Variants in SLC35F4 observed in about 807,000 individuals in gnomAD.
SLC35F4 encodes solute carrier family 35 member F4.
In SLC35F4, 24 loss-of-function variants were observed where a neutral mutation model predicts 44.2. That is an observed-to-expected ratio of 0.54 (90% confidence interval 0.39 to 0.76). The LOEUF (loss-of-function observed/expected upper bound fraction) is 0.76, where lower values mean the gene tolerates loss of function less well. Ranked by LOEUF, SLC35F4 falls within the 30% of genes least tolerant of loss-of-function variation. SLC35F4 has a pLI of 0.00. For missense variants in SLC35F4, 562 were observed against 586.1 expected, an observed-to-expected ratio of 0.96 and a Z score of 0.42; for synonymous variants, 238 against 223.6, an observed-to-expected ratio of 1.06 and a Z score of -0.57.
chr14:57,875,960 CA>C (rs1184764782), intron 1 of SLC35F4, among the ~76,000 whole-genome samples: 1 of 152,150 alleles, frequency 6.6e-6, no homozygotes, highest in Non-Finnish European at 1.5e-5. Context: ...TCTAGATTAG[CA>C]AAGCAATCTT....
intron 1 of SLC35F4, among the ~76,000 whole-genome samples, chr14:57,950,640 C>T (rs954105050): frequency 1.3e-5 from 2 of 149,188 alleles, no homozygotes; most frequent in Non-Finnish European, 3.0e-5. Context: ...AGCCCATTGT[C>T]ATTTGCATAG....
intron 1 of SLC35F4, among the ~76,000 whole-genome samples, chr14:57,851,689 A>G (rs1355135401): frequency 6.6e-6 from 1 of 152,208 alleles, no homozygotes; most frequent in Admixed American, 6.5e-5. Context: ...AAGTAAATGC[A>G]ATCTGGTACT....
chr14:57,672,178 G>A (rs184873344), intron 1 of SLC35F4, among the ~76,000 whole-genome samples: 1 of 152,118 alleles, frequency 6.6e-6, no homozygotes, highest in African/African-American at 2.4e-5. Context: ...CACTCGCAGA[G>A]GCCACACACT....
At chr14:57,929,360 T>G (rs576747892) in intron 1 of SLC35F4, among the ~76,000 whole-genome samples, 1 of 152,114 alleles carries the variant, frequency 6.6e-6, no homozygotes, top group African/African-American at 2.4e-5. Flanking sequence ...TCTAAACATT[T>G]TAGAAGAAAT....
chr14:57,787,439 T>C (rs1177288168), intron 1 of SLC35F4, among the ~76,000 whole-genome samples: 1 of 152,078 alleles, frequency 6.6e-6, no homozygotes, highest in African/African-American at 2.4e-5. Flanking sequence ...CGTAAAAAGA[T>C]TGCCTGATCA....
At chr14:57,779,996 T>C (rs2077578535) in intron 1 of SLC35F4, among the ~76,000 whole-genome samples, 1 of 152,166 alleles carries the variant, frequency 6.6e-6, no homozygotes, top group African/African-American at 2.4e-5. Context: ...GGGAAAAAGC[T>C]AGAAGCATTC....
chr14:57,834,002 T>C (rs1301398251), intron 1 of SLC35F4, among the ~76,000 whole-genome samples: 1 of 152,224 alleles, frequency 6.6e-6, no homozygotes, highest in Non-Finnish European at 1.5e-5. Context: ...TACAAAACCT[T>C]GTGCTGAATT....
chr14:57,610,660 A>G (rs1555558), intron 1 of SLC35F4, among the ~76,000 whole-genome samples: 92,882 of 151,854 alleles, frequency 0.61, 30,595 homozygotes, highest in Non-Finnish European at 0.74. Context: ...ACCATGCTTT[A>G]TGTGCTTGTG....
At chr14:57,824,020 G>A (rs984740602) in intron 1 of SLC35F4, among the ~76,000 whole-genome samples, 2 of 152,050 alleles carry the variant, frequency 1.3e-5, no homozygotes, top group Non-Finnish European at 2.9e-5. Flanking sequence ...AAATCAGGAA[G>A]TAAAGAACAA....
chr14:57,617,078 T>C (rs1274172572), intron 1 of SLC35F4, among the ~76,000 whole-genome samples: 1 of 151,558 alleles, frequency 6.6e-6, no homozygotes, highest in Non-Finnish European at 1.5e-5. Flanking sequence ...TCTTTCCCAT[T>C]CATAGGGAAA....
upstream of SLC35F4, among the ~76,000 whole-genome samples, chr14:57,870,770 G>A (rs1168424477): frequency 6.6e-6 from 1 of 152,160 alleles, no homozygotes; most frequent in African/African-American, 2.4e-5. Flanking sequence ...GTTTTTTACT[G>A]AAGTTGATTT....
At chr14:57,579,812 G>T (rs977012001) in intron 4 of SLC35F4, among the ~76,000 whole-genome samples, 3 of 152,162 alleles carry the variant, frequency 2.0e-5, no homozygotes, top group African/African-American at 7.2e-5. Flanking sequence ...TGCTTGGAAG[G>T]TCCCCACCCT....
intron 1 of SLC35F4, among the ~76,000 whole-genome samples, chr14:57,919,413 T>G (rs149171884): frequency 1.3e-5 from 2 of 152,326 alleles, no homozygotes; most frequent in East Asian, 3.9e-4. Flanking sequence ...GGAAAGGGTT[T>G]TAAGGAGTAG....
intron 1 of SLC35F4, among the ~76,000 whole-genome samples, chr14:57,905,161 A>G (rs1889082889): frequency 6.6e-6 from 1 of 152,188 alleles, no homozygotes; most frequent in South Asian, 2.1e-4. Flanking sequence ...GGGCTGGAGG[A>G]TCTGCTACGA....
At chr14:57,946,209 T>C (rs1566509588) in intron 1 of SLC35F4, among the ~76,000 whole-genome samples, 1 of 152,178 alleles carries the variant, frequency 6.6e-6, no homozygotes, top group Admixed American at 6.5e-5. Context: ...TAAGCCAATG[T>C]CTAAAAGAGT....
At chr14:57,679,429 T>C (rs1292807314) in intron 1 of SLC35F4, among the ~76,000 whole-genome samples, 1 of 152,018 alleles carries the variant, frequency 6.6e-6, no homozygotes, top group Non-Finnish European at 1.5e-5. Context: ...GGAGGAAATA[T>C]CTAAAATTGA....
At chr14:57,759,880 G>GTTTTTTTTT (rs60160945) in intron 1 of SLC35F4, among the ~76,000 whole-genome samples, 2 of 140,516 alleles carry the variant, frequency 1.4e-5, no homozygotes, top group Non-Finnish European at 1.6e-5. Flanking sequence ...TTCTTTGCTT[G>GTTTTTTTTT]TTTTTTTTTT....
chr14:57,681,268 G>A (rs1049075809), intron 1 of SLC35F4, among the ~76,000 whole-genome samples: 1 of 151,864 alleles, frequency 6.6e-6, no homozygotes, highest in Non-Finnish European at 1.5e-5. Context: ...ACAAGCAATG[G>A]GGAAAGGATT....
At chr14:57,869,779 G>A (rs1441204858), upstream of SLC35F4, among the ~76,000 whole-genome samples, 3 of 152,178 alleles carry the variant, frequency 2.0e-5, no homozygotes, top group Admixed American at 6.5e-5. Flanking sequence ...GATAAGAAAT[G>A]GCACCTGAGA....
Sources: allele counts gnomAD v4.1 joint callset (sites outside exome capture counted in the v4.1 genomes callset), GRCh38; gene constraint gnomAD v4.1.1; transcripts MANE v1.5; gene names NCBI Gene and HGNC (gene_info 2026-07-23, HGNC 2026-07-21).